Variants in MPP3 observed in about 807,000 individuals in gnomAD.
MPP3 encodes MAGUK p55 scaffold protein 3, also known as MAGUK p55 subfamily member 3.
In MPP3, 48 loss-of-function variants were observed where a neutral mutation model predicts 80.7. The ratio of observed to expected loss-of-function variants is 0.59; its 90% CI spans 0.47 to 0.76. MPP3 has a LOEUF of 0.76. Ranked by LOEUF, MPP3 falls within the 30% of genes least tolerant of loss-of-function variation. The pLI, the probability that MPP3 is intolerant of heterozygous loss-of-function variation, is 0.00. For missense variants in MPP3, 620 were observed against 763.0 expected, an observed-to-expected ratio of 0.81 and a Z score of 2.21; for synonymous variants, 311 against 297.6, an observed-to-expected ratio of 1.04 and a Z score of -0.46.
At chr17:43,817,902 C>G (rs1347515112) in intron 12 of MPP3, 144 bp downstream of exon 12, 3 of 425,706 alleles carry the variant, frequency 7.0e-6, no homozygotes, top group Non-Finnish European at 1.2e-5. Flanking sequence ...CTACTTCCCA[C>G]CCCCTCCTTC....
chr17:43,821,142 C>A, intron 10 of MPP3, 84 bp from the exon 11 acceptor site: 1 of 1,328,472 alleles, frequency 7.5e-7, no homozygotes, highest in Non-Finnish European at 1.1e-6. Flanking sequence ...CACATGACAA[C>A]GACCATCCAC....
At chr17:43,831,160 C>T in intron 5 of MPP3, 84 bp downstream of exon 5, 3 of 1,315,442 alleles carry the variant, frequency 2.3e-6, no homozygotes. Context: ...CCGGTGTCCC[C>T]ACACTAAGCA....
At chr17:43,831,774 G>T in intron 3 of MPP3, 97 bp from the exon 4 acceptor site, 1 of 1,425,858 alleles carries the variant, frequency 7.0e-7, no homozygotes, top group Non-Finnish European at 9.6e-7. Flanking sequence ...CTTCAGTCCT[G>T]CCGTGAGGAC....
At chr17:43,803,741 G>C (rs1383076639) in intron 19 of MPP3, among the ~76,000 whole-genome samples, 1 of 152,212 alleles carries the variant, frequency 6.6e-6, no homozygotes, top group Non-Finnish European at 1.5e-5. Context: ...TAAAAATGGA[G>C]TGCCTGGGCC....
chr17:43,826,669 A>G (rs1039098692), intron 8 of MPP3, among the ~76,000 whole-genome samples: 1 of 152,124 alleles, frequency 6.6e-6, no homozygotes, highest in African/African-American at 2.4e-5. Context: ...GTAGCTTGAC[A>G]AGACCTGGGA....
At position 43,814,136 on chromosome 17, in the gene MPP3, C is replaced by G. The variant is rs755560558; in HGVS notation, c.1175-45G>C. On this transcript the variant is annotated intron_variant, in intron 15 of 19. Transcript: ENST00000398389. Reference sequence around the variant, plus strand: ...CTGACCAGGGTCCCTGCTGAGCTCCCTCCCCACCTGCTCCAGGGAGGAAAC... The same window carrying G: ...CTGACCAGGGTCCCTGCTGAGCTCCGTCCCCACCTGCTCCAGGGAGGAAAC... The G allele has an allele frequency of 2.9e-5, 47 of 1,604,944 alleles. 1 individual carries two copies. In the Admixed American group the frequency reaches 7.9e-4, roughly 27 times the overall value.
At chr17:43,819,689 C>T (rs963711711) in intron 11 of MPP3, among the ~76,000 whole-genome samples, 3 of 152,062 alleles carry the variant, frequency 2.0e-5, no homozygotes, top group Non-Finnish European at 4.4e-5. Context: ...AAATACCTGC[C>T]GCCTAGGAAT....
Position 43,827,804 on chromosome 17 carries a change from G to A in MPP3, c.470C>T (p.Ser157Leu). The A allele has an allele frequency of 6.2e-7, 1 of 1,613,186 alleles. No homozygotes were observed. The highest frequency in any genetic ancestry group is 2.2e-5 in the East Asian group (1 of 44,878). The change falls in exon 8 of 20, where the codon TCA (serine) becomes TTA (leucine). Residue 157 changes from serine (S) to leucine (L), a missense_variant. By Grantham distance (145) the Ser-to-Leu change is moderately radical. Transcript: ENST00000398389. ...GATCCTGGCCACCACAACAGCCCCT[G>A]AGTGCTCGTCCCGCCGGATGGTGGC... ...LGATIRRDEH[S>L]GAVVVARIMR...
In MPP3 at chr17:43,801,845, G is replaced by A. The variant is rs371786088; in HGVS notation, c.1614C>T (p.Ala538=). 37 of 1,613,310 alleles carry A rather than the reference G, an allele frequency of 2.3e-5. No homozygotes were observed. Among genetic ancestry groups the A allele is most frequent in the African/African-American group, 1.9e-4 (14 of 74,916 alleles). Residue 538 remains alanine (A), a synonymous_variant, in exon 20 of 20, where the codon GCC becomes GCT. Coordinates refer to ENST00000398389, the MANE Select transcript of MPP3 (RefSeq NM_001932.6). ...GCCCGTAATGCCGGTCTATGAAGGC[G>A]GCAGAAGCGGCCATCTCTTGCTGCT... is the stretch of plus-strand genomic sequence containing the variant. ...DEQQQEMAAS[A]AFIDRHYGHL...
At chr17:43,831,398 C>T in intron 4 of MPP3, 77 bp from the exon 5 acceptor site, 2 of 1,482,160 alleles carry the variant, frequency 1.3e-6, no homozygotes, top group Middle Eastern at 1.7e-4. Context: ...TTTGGGGCAG[C>T]AGACTGGGCC....
At chr17:43,807,376 G>A (rs2044664548) in intron 19 of MPP3, among the ~76,000 whole-genome samples, 1 of 151,052 alleles carries the variant, frequency 6.6e-6, no homozygotes, top group East Asian at 2.0e-4. Context: ...CAGTGGCATG[G>A]TCATGGCTCA....
At chr17:43,818,927 A>G (rs964912288) in intron 11 of MPP3, 1 of 140,478 alleles carries the variant, frequency 7.1e-6, no homozygotes, top group African/African-American at 3.2e-5. Context: ...GAGTGAAACC[A>G]TGTCTCAAAA....
At chr17:43,815,059 T>G (rs577876993) in intron 14 of MPP3, among the ~76,000 whole-genome samples, 14 of 152,282 alleles carry the variant, frequency 9.2e-5, no homozygotes, top group Non-Finnish European at 1.5e-5. Context: ...AGGGGCTGGG[T>G]GCAGTGGCTC....
chr17:43,826,830 A>AT lies in MPP3; in HGVS notation c.523+920dup, dbSNP rs1183945469. On this transcript the variant is annotated intron_variant, in intron 8 of 19. Coordinates refer to ENST00000398389, the MANE Select transcript of MPP3 (RefSeq NM_001932.6). ...TCCATGACTATTTATATATATATAT[A>AT]TTTTTTTTTTTTTTCTTTTTTTTTT... Among the ~76,000 whole-genome samples, 676 of 137,632 alleles carry AT rather than the reference A, an allele frequency of 4.9e-3. 2 individuals are homozygous for AT. The highest frequency in any genetic ancestry group is 1.0e-2 in the African/African-American group (357 of 35,860). The allele number at this position is 137,632 out of a possible 152,430, so 90.3% of individuals were successfully genotyped here. A position where few individuals can be genotyped will look rare whatever the true frequency, so the allele number is the denominator to read the frequency against.
At chr17:43,827,670 G>C in intron 8 of MPP3, 81 bp downstream of exon 8, 1 of 1,346,992 alleles carries the variant, frequency 7.4e-7, no homozygotes, top group East Asian at 2.3e-5. Context: ...GGGAGGTAAG[G>C]GGACCTATTA....
chr17:43,820,413 C>T (rs2045375998), intron 11 of MPP3, among the ~76,000 whole-genome samples: 1 of 151,806 alleles, frequency 6.6e-6, no homozygotes, highest in African/African-American at 2.4e-5. Flanking sequence ...CCAGCCTGGC[C>T]AAACCCTGTC....
intron 9 of MPP3, 51 bp downstream of exon 9, chr17:43,825,705 C>A: frequency 8.1e-7 from 1 of 1,238,808 alleles, no homozygotes; most frequent in South Asian, 1.2e-5. Flanking sequence ...AAGTGCCTTG[C>A]TCTGGGTGTC....
At position 43,831,863 on chromosome 17, in the gene MPP3, GC is replaced by G; in HGVS notation, c.25+18del. ...TGTCTTCAGGACTGTGGCAGGTCCA[GC>G]CGGGGGGAGGTACTTACCAGAGTCC... is the stretch of plus-strand genomic sequence containing the variant. On this transcript the variant is annotated intron_variant, in intron 3 of 19. Transcript: ENST00000398389. 1 of 1,597,584 alleles carries G rather than the reference GC, an allele frequency of 6.3e-7. No homozygotes were observed.
At chr17:43,828,221 C>T (rs1202662511) in intron 7 of MPP3, among the ~76,000 whole-genome samples, 1 of 152,186 alleles carries the variant, frequency 6.6e-6, no homozygotes, top group East Asian at 1.9e-4. Context: ...CACGTGCCAG[C>T]TAATTCTCAC....
Sources: gnomAD v4.1 joint callset for allele counts (sites outside exome capture counted in the v4.1 genomes callset) on GRCh38, gnomAD v4.1.1 for gene constraint, MANE v1.5 for transcripts, NCBI Gene and HGNC (gene_info 2026-07-23, HGNC 2026-07-21) for gene names.